RBFOX1: variants seen among roughly 807,000 people sequenced by gnomAD.
RBFOX1 encodes RNA binding fox-1 homolog 1.
A neutral mutation model predicts 57.7 loss-of-function variants in RBFOX1; 8 were observed. The observed-to-expected ratio is 0.14, with a 90% CI of 0.08 to 0.25. The LOEUF is 0.25. Ranked by LOEUF, RBFOX1 falls within the 10% of genes least tolerant of loss-of-function variation. The pLI, the probability that RBFOX1 is intolerant of heterozygous loss-of-function variation, is 1.00. For missense variants in RBFOX1, 611 were observed against 548.5 expected (o/e 1.11, Z -1.14); for synonymous variants, 326 against 222.4 (o/e 1.47, Z -4.15).
intron 2 of RBFOX1, among the ~76,000 whole-genome samples, chr16:6,531,660 A>T (rs1345293): frequency 0.018 from 2,793 of 152,274 alleles, 80 homozygotes; most frequent in African/African-American, 0.061. Context: ...TATGTTGTCT[A>T]GTAGCCCTTG....
rs554078080 is a variant in RBFOX1 at position 5,779,315 on chromosome 16, G to C, written c.319-87988G>C. 5.2e-4 allele frequency among the ~76,000 whole-genome samples: 79 copies of C among 152,274 alleles called. 2 individuals carry two copies. The highest frequency in any genetic ancestry group is 6.0e-4 in the Non-Finnish European group (41 of 68,030). On this transcript the variant is annotated intron_variant, in intron 3 of 19. Coordinates refer to the RBFOX1 transcript ENST00000641259. ...GTGAAAAGTTAAGATGCATACAGTT[G>C]TTAAATTTCCAAACTTGATCTCTGC... is the stretch of plus-strand genomic sequence containing the variant.
chr16:5,888,104 C>G (rs1327530784), intron 4 of RBFOX1, among the ~76,000 whole-genome samples: 1 of 152,186 alleles, frequency 6.6e-6, no homozygotes, highest in Non-Finnish European at 1.5e-5. Context: ...ACCTTCCTCT[C>G]AGACCACTTT....
intron 4 of RBFOX1, among the ~76,000 whole-genome samples, chr16:7,310,933 A>G (rs1000934772): frequency 2.0e-5 from 3 of 152,206 alleles, no homozygotes; most frequent in African/African-American, 7.2e-5. Flanking sequence ...TGAACCATGC[A>G]TGCAGTACAA....
chr16:7,045,460 A>G (rs1268952907), intron 3 of RBFOX1, among the ~76,000 whole-genome samples: 2 of 152,118 alleles, frequency 1.3e-5, no homozygotes, highest in Non-Finnish European at 1.5e-5. Context: ...CAGCATGGCT[A>G]TTTCCTTGGC....
At chr16:7,394,027 G>C (rs560585149) in intron 4 of RBFOX1, among the ~76,000 whole-genome samples, 4 of 152,144 alleles carry the variant, frequency 2.6e-5, no homozygotes, top group African/African-American at 9.6e-5. Context: ...CCTGAGGTCA[G>C]GAGTTGGAGA....
At chr16:5,376,970 T>G (rs933578373) in intron 1 of RBFOX1, among the ~76,000 whole-genome samples, 1 of 150,706 alleles carries the variant, frequency 6.6e-6, no homozygotes, top group Non-Finnish European at 1.5e-5. Context: ...TCCAAGTCTC[T>G]TCTGCACTCA....
chr16:7,285,121 T>G (rs934966512), intron 4 of RBFOX1, among the ~76,000 whole-genome samples: 7 of 144,580 alleles, frequency 4.8e-5, no homozygotes, highest in African/African-American at 1.8e-4. Context: ...CCTGTTCTTA[T>G]CCTTTATAGC....
chr16:5,783,057 TCACCAAATATCTTAGCATTCCCTAATC>T (rs2054376096), intron 3 of RBFOX1, among the ~76,000 whole-genome samples: 1 of 152,180 alleles, frequency 6.6e-6, no homozygotes, highest in Non-Finnish European at 1.5e-5. Context: ...AAGTAATATT[TCACCAAATATCTTAGCATTCCCTAATC>T]CAGGCAAGCA....
chr16:6,867,089 C>G (rs978560479), intron 3 of RBFOX1, among the ~76,000 whole-genome samples: 1 of 151,596 alleles, frequency 6.6e-6, no homozygotes, highest in East Asian at 1.9e-4. Flanking sequence ...TTCTAACCAG[C>G]AAGAACACTT....
rs1002278651 is a variant in RBFOX1, at chr16:6,958,579, G to A, written c.-15-93478G>A. ...AAGCCAAGGAATTAAACAACCAAACGGAATATTTCCTTTCAACAATGGGAA... is the reference window on the plus strand; with the variant it reads ...AAGCCAAGGAATTAAACAACCAAACAGAATATTTCCTTTCAACAATGGGAA... On this transcript the variant is annotated intron_variant, in intron 3 of 15. Coordinates refer to ENST00000550418, the MANE Select transcript of RBFOX1 (RefSeq NM_018723.4). 3.3e-5 allele frequency among the ~76,000 whole-genome samples: 5 copies of A among 152,120 alleles called. No homozygotes were observed. In the East Asian group the frequency reaches 7.7e-4, roughly 23 times the overall value.
chr16:5,955,372 A>AAAAT, intron 4 of RBFOX1, among the ~76,000 whole-genome samples: 1 of 84,956 alleles, frequency 1.2e-5, no homozygotes, highest in African/African-American at 4.9e-5. Context: ...AAAATAAAAT[A>AAAAT]AAATAAAATA....
intron 2 of RBFOX1, among the ~76,000 whole-genome samples, chr16:6,495,076 C>T (rs568506359): frequency 1.3e-5 from 2 of 152,296 alleles, no homozygotes; most frequent in African/African-American, 4.8e-5. Flanking sequence ...GAGAACCCCG[C>T]ATTTTAACCA....
At chr16:5,655,300 A>G (rs2049388889) in intron 3 of RBFOX1, among the ~76,000 whole-genome samples, 1 of 152,172 alleles carries the variant, frequency 6.6e-6, no homozygotes, top group Non-Finnish European at 1.5e-5. Flanking sequence ...TGGACTTGAT[A>G]GTTTTCACCC....
chr16:7,171,621 G>A (rs1392119958), intron 4 of RBFOX1, among the ~76,000 whole-genome samples: 1 of 152,164 alleles, frequency 6.6e-6, no homozygotes, highest in Non-Finnish European at 1.5e-5. Context: ...CTTTATCAAT[G>A]ACATGGAAGG....
intron 4 of RBFOX1, among the ~76,000 whole-genome samples, chr16:7,504,740 T>TAA (rs2072381954): frequency 3.1e-4 from 4 of 12,996 alleles, no homozygotes; most frequent in East Asian, 1.6e-3. Flanking sequence ...TATATATATA[T>TAA]ATATATATAT....
rs1417036154 is a variant in RBFOX1, at chr16:5,454,915, CTTTG to C, written c.220-12297_220-12294del. On this transcript the variant is annotated intron_variant, in intron 1 of 2. Coordinates refer to the RBFOX1 transcript ENST00000585867. ...CTTTCTTTCTTTCTTTCTTTCTTTC[CTTTG>C]TTTCTTTCTTCCTTCCTTCCTTCCT... Among the ~76,000 whole-genome samples, 309 of 47,928 alleles carry C rather than the reference CTTTG, an allele frequency of 6.4e-3. 9 individuals carry two copies. The highest frequency in any genetic ancestry group is 9.1e-3 in the Non-Finnish European group (205 of 22,556). The allele number at this position is 47,928 out of a possible 152,430, so 31.4% of individuals were successfully genotyped here. A position where few individuals can be genotyped will look rare whatever the true frequency, so the allele number is the denominator to read the frequency against.
intron 3 of RBFOX1, among the ~76,000 whole-genome samples, chr16:6,896,000 A>C (rs1188944673): frequency 6.6e-6 from 1 of 152,104 alleles, no homozygotes; most frequent in Non-Finnish European, 1.5e-5. Context: ...TGAAATAATC[A>C]AATCATGAAG....
intron 4 of RBFOX1, among the ~76,000 whole-genome samples, chr16:7,175,839 G>A (rs1052121586): frequency 3.9e-5 from 6 of 152,136 alleles, no homozygotes. Context: ...CTAGGAAAAG[G>A]TCACTCTTTA....
chr16:6,818,691 C>T (rs1198627099), intron 3 of RBFOX1, among the ~76,000 whole-genome samples: 2 of 152,110 alleles, frequency 1.3e-5, no homozygotes, highest in Admixed American at 6.6e-5. Flanking sequence ...TAGTGTTTCT[C>T]TAGAGAAGTC....
Sources: allele counts gnomAD v4.1 joint callset (sites outside exome capture counted in the v4.1 genomes callset), GRCh38; gene constraint gnomAD v4.1.1; transcripts MANE v1.5; gene names NCBI Gene and HGNC (gene_info 2026-07-23, HGNC 2026-07-21).